TRPM4: variants seen among roughly 807,000 people sequenced by gnomAD.
The protein encoded by TRPM4 is calcium-activated non-selective cation channel 1.
TRPM4 carries 124 observed loss-of-function variants against 135.6 expected under a neutral mutation model. The observed-to-expected ratio is 0.91, with a 90% CI of 0.79 to 1.06. TRPM4 has a LOEUF of 1.06. Among genes scored for constraint, TRPM4 ranks in the 50% least tolerant of loss-of-function variants. TRPM4 has a pLI of 0.00. For missense variants in TRPM4, 1,658 were observed against 1,671.4 expected (o/e 0.99, Z 0.14); for synonymous variants, 745 against 705.6 (o/e 1.06, Z -0.88).
chr19:49,178,772 T>TTTTTGTTTTG (rs1568467673), intron 9 of TRPM4, among the ~76,000 whole-genome samples: 25 of 150,100 alleles, frequency 1.7e-4, no homozygotes, highest in Admixed American at 1.0e-3. Flanking sequence ...TTTTTTATTT[T>TTTTTGTTTTG]TTTTGAGATG....
intron 2 of TRPM4, among the ~76,000 whole-genome samples, chr19:49,161,426 G>T (rs573428631): frequency 6.8e-6 from 1 of 146,684 alleles, no homozygotes; most frequent in Non-Finnish European, 1.5e-5. Context: ...GGGCTCAAGC[G>T]ATCCTCCCAC....
intron 17 of TRPM4, among the ~76,000 whole-genome samples, chr19:49,197,350 TTCTTTCTTTCTTTC>T (rs1239045952): frequency 0.01 from 1,125 of 110,618 alleles, 17 homozygotes; most frequent in African/African-American, 0.032. Context: ...CTTTCTTTCT[TTCTTTCTTTCTTTC>T]TCTCTCTTTC....
Position 49,210,279 on chromosome 19 carries a change from G to A in TRPM4, c.3202G>A (p.Glu1068Lys). The stretch of plus-strand genomic sequence containing the variant: ...GGCGCAGCGTTACCGCCTCATCCGG[G>A]AATTCCACTCTCGGCCCGCGCTGGC... ...WKAQRYRLIR[E>K]FHSRPALAPP... Residue 1068 changes from glutamate (E) to lysine (K), a missense_variant, in exon 21 of 25, where the codon GAA (glutamate) becomes AAA (lysine). Physicochemically the swap from Glu to Lys is moderately conservative, Grantham distance 56. Around this residue, in one of 3 missense-constraint regions of TRPM4, gnomAD observed 1,412 missense variants for 1,408.7 expected, o/e 1.00. Coordinates refer to ENST00000252826, the MANE Select transcript of TRPM4 (RefSeq NM_017636.4). This position sits in a 1 kb window ranked among gnomAD's most constrained non-coding sequence, Gnocchi z 4.1. 4 of 1,614,210 alleles carry A rather than the reference G, an allele frequency of 2.5e-6. No individual in the cohort carries two copies. Among genetic ancestry groups the A allele is most frequent in the Non-Finnish European group, 3.4e-6 (4 of 1,180,042 alleles).
intron 16 of TRPM4, among the ~76,000 whole-genome samples, chr19:49,193,264 G>T (rs763291455): frequency 1.1e-4 from 16 of 151,894 alleles, no homozygotes; most frequent in African/African-American, 3.9e-4. Flanking sequence ...TGTATTTTTA[G>T]TAGAGCTGGG....
In TRPM4 at chr19:49,210,870, G is replaced by A; in HGVS notation, c.3461+28G>A. The A allele has an allele frequency of 6.2e-7, 1 of 1,600,456 alleles. No individual in the cohort carries two copies. The highest frequency in any genetic ancestry group is 8.5e-7 in the Non-Finnish European group (1 of 1,174,288). On this transcript the variant is annotated intron_variant, in intron 22 of 24. Transcript: ENST00000252826. The surrounding 1 kb of genome is among the most constrained non-coding windows in gnomAD (Gnocchi z 4.1). Reference sequence around the variant, plus strand: ...GAGAGCGGGGCCTGGTCGGGGATGGGGCTTCTGGCCTGGGGCGGATCCTGA... The same window carrying A: ...GAGAGCGGGGCCTGGTCGGGGATGGAGCTTCTGGCCTGGGGCGGATCCTGA...
At position 49,200,577 on chromosome 19, in the gene TRPM4, G is replaced by C. The variant is rs775500308; in HGVS notation, c.2779-34G>C. ...ATAGGGGTGGGGCCAGAGTAGGAAA[G>C]GGCGGGGCCAGACTCAGCCACATCT... On this transcript the variant is annotated intron_variant, in intron 18 of 24. Coordinates refer to ENST00000252826, the MANE Select transcript of TRPM4 (RefSeq NM_017636.4). The C allele has an allele frequency of 5.6e-6, 9 of 1,608,448 alleles. No homozygotes were observed. In the Admixed American group the frequency reaches 1.2e-4, roughly 21 times the overall value.
At position 49,205,755 on chromosome 19, in the gene TRPM4, C is replaced by T. The variant is rs894261769; in HGVS notation, c.3131+3614C>T. Among the ~76,000 whole-genome samples the T allele has an allele frequency of 4.6e-5, 7 of 151,816 alleles. No homozygotes were observed. The East Asian group carries it at 1.4e-3, about 30-fold the overall frequency. ...TTCACCATGTTGCCCAGGCCGATCT[C>T]AAACTCCTGACCTCAGGTGATGCAC... On this transcript the variant is annotated intron_variant, in intron 20 of 24. Transcript: ENST00000252826.
At chr19:49,197,320 C>CTTTCTTTA (rs1968706837) in intron 17 of TRPM4, among the ~76,000 whole-genome samples, 1 of 108,120 alleles carries the variant, frequency 9.2e-6, no homozygotes, top group African/African-American at 4.0e-5. Context: ...TTCTTTCTTT[C>CTTTCTTTA]TTTCTTTCTT....
chr19:49,168,737 G>T lies in TRPM4; in HGVS notation c.796+1G>T. On this transcript the variant is annotated splice_donor_variant, in intron 6 of 24. Coordinates refer to ENST00000252826, the MANE Select transcript of TRPM4 (RefSeq NM_017636.4). LOFTEE classifies it high-confidence loss of function. ...TCACAGCAGAAGACGGGCGTGGGAG[G>T]TGAGTGGTCGAACCCATGACCCACA... 1 of 1,583,090 alleles carries T rather than the reference G, an allele frequency of 6.3e-7. No individual in the cohort carries two copies. Among genetic ancestry groups the T allele is most frequent in the Non-Finnish European group, 8.6e-7 (1 of 1,165,644 alleles).
rs1487995910 is a variant in TRPM4 at position 49,211,385 on chromosome 19, C to G, written c.3641-109C>G. 1 of 1,591,296 alleles carries G rather than the reference C, an allele frequency of 6.3e-7. No individual in the cohort carries two copies. Among genetic ancestry groups the G allele is most frequent in the Non-Finnish European group, 8.6e-7 (1 of 1,163,530 alleles). ...GGTCACTCTCTTGGTCTCCTTTGAG[C>G]CTTTTGTACTCTCGCCTTCGTCTTT... On this transcript the variant is annotated intron_variant, in intron 24 of 24. Transcript: ENST00000252826. The surrounding 1 kb of genome is among the most constrained non-coding windows in gnomAD (Gnocchi z 4.8).
chr19:49,196,553 T>G lies in TRPM4; in HGVS notation c.2324T>G (p.Phe775Cys). 6.4e-7 allele frequency: 1 copy of G among 1,555,270 alleles called. No individual in the cohort carries two copies. The highest frequency in any genetic ancestry group is 8.7e-7 in the Non-Finnish European group (1 of 1,153,300). Reference protein sequence around the residue: ...GRRCLRRWFHFWGAPVTIFMG... With the variant: ...GRRCLRRWFHCWGAPVTIFMG... Reference sequence around the variant, plus strand: ...CGGTGCCTACGCCGCTGGTTCCACTTCTGGGGCGCGCCGGTGACCATCTTC... The same window carrying G: ...CGGTGCCTACGCCGCTGGTTCCACTGCTGGGGCGCGCCGGTGACCATCTTC... Residue 775 changes from phenylalanine to cysteine, a missense_variant, in exon 17 of 25, where the codon TTC (phenylalanine) becomes TGC (cysteine). Transcript: ENST00000252826.
intron 3 of TRPM4, among the ~76,000 whole-genome samples, chr19:49,167,424 C>T (rs1189849808): frequency 1.0e-5 from 1 of 98,378 alleles, no homozygotes; most frequent in African/African-American, 4.4e-5. Flanking sequence ...TTTCTGTCCC[C>T]ATCTCTCTGG....
intron 2 of TRPM4, among the ~76,000 whole-genome samples, 174 bp from the exon 3 acceptor site, chr19:49,165,867 T>G (rs978126270): frequency 6.6e-6 from 1 of 152,104 alleles, no homozygotes; most frequent in Admixed American, 6.5e-5. Flanking sequence ...CGTCCTCGGC[T>G]CCAGTCTCTC....
chr19:49,190,292 C>G lies in TRPM4; in HGVS notation c.2104C>G (p.Leu702Val), dbSNP rs375408319. 4 of 1,613,566 alleles carry G rather than the reference C, an allele frequency of 2.5e-6. No homozygotes were observed. Among genetic ancestry groups the G allele is most frequent in the African/African-American group, 1.3e-5 (1 of 74,790 alleles). Residue 702 changes from leucine (L) to valine (V), a missense_variant, in exon 15 of 25, where the codon CTC becomes GTC. Physicochemically the swap from Leu to Val is conservative, Grantham distance 32. Around this residue, in one of 3 missense-constraint regions of TRPM4, gnomAD observed 1,412 missense variants for 1,408.7 expected, o/e 1.00. Coordinates refer to ENST00000252826, the MANE Select transcript of TRPM4 (RefSeq NM_017636.4). ...GGTTCTCGCCTTCTTTTGCCCTCCA[C>G]TCATCTACACCCGCCTCATCACCTT... ...ALVLAFFCPP[L>V]IYTRLITFRK...
chr19:49,185,774 G>A (rs1968177146), intron 12 of TRPM4, among the ~76,000 whole-genome samples: 1 of 151,702 alleles, frequency 6.6e-6, no homozygotes, highest in Admixed American at 6.6e-5. Context: ...GAGGGGGGAT[G>A]GAGTCTCACT....
At chr19:49,169,811 G>A (rs943753282) in intron 6 of TRPM4, among the ~76,000 whole-genome samples, 1 of 152,112 alleles carries the variant, frequency 6.6e-6, no homozygotes, top group Non-Finnish European at 1.5e-5. Context: ...ACCTGCCTCA[G>A]CCTCCCAAAG....
chr19:49,202,057 C>T lies in TRPM4; in HGVS notation c.3047C>T (p.Ala1016Val). 3 of 1,614,066 alleles carry T rather than the reference C, an allele frequency of 1.9e-6. No individual in the cohort carries two copies. The highest frequency in any genetic ancestry group is 2.5e-6 in the Non-Finnish European group (3 of 1,180,044). The change falls in exon 20 of 25, where the codon GCC becomes GTC. Residue 1016 changes from alanine (A) to valine (V), a missense_variant. Transcript: ENST00000252826. Reference sequence around the variant, plus strand: ...GCGGGCACCTGCGTCTCCCAGTATGCCAACTGGCTGGTGGTGCTGCTCCTC... The same window carrying T: ...GCGGGCACCTGCGTCTCCCAGTATGTCAACTGGCTGGTGGTGCTGCTCCTC... ...AQAGTCVSQY[A>V]NWLVVLLLVI...
chr19:49,163,874 C>A (rs947791018), intron 2 of TRPM4, among the ~76,000 whole-genome samples: 1 of 152,170 alleles, frequency 6.6e-6, no homozygotes, highest in Non-Finnish European at 1.5e-5. Flanking sequence ...AAGGATGGAG[C>A]TGAAATGGGT....
At chr19:49,199,926 C>G (rs541757617) in intron 17 of TRPM4, among the ~76,000 whole-genome samples, 2 of 152,248 alleles carry the variant, frequency 1.3e-5, no homozygotes, top group African/African-American at 4.8e-5. Flanking sequence ...GTGAATTGTA[C>G]GTGGTATCCT....
Sources: allele counts gnomAD v4.1 joint callset (sites outside exome capture counted in the v4.1 genomes callset), GRCh38; gene constraint gnomAD v4.1.1; regional missense constraint gnomAD v4.1.1; non-coding constraint Gnocchi (gnomAD v3.1); transcripts MANE v1.5; gene names NCBI Gene and HGNC (gene_info 2026-07-23, HGNC 2026-07-21).